The following MTDH variants were observed in gnomAD, a reference collection of about 807,000 sequenced individuals.
MTDH encodes the protein protein LYRIC.
A neutral mutation model predicts 72.7 loss-of-function variants in MTDH; 34 were observed. The observed-to-expected ratio is 0.47, with a 90% CI of 0.36 to 0.62. The LOEUF is 0.62. MTDH is among the 20% of genes least tolerant of loss of function. The probability of loss-of-function intolerance (pLI) is 0.00; values close to 1 mark genes in which losing one functional copy is unlikely to be tolerated. For synonymous variants in MTDH, 266 were observed against 268.9 expected, an observed-to-expected ratio of 0.99 and a Z score of 0.10; for missense variants, 677 against 699.4, an observed-to-expected ratio of 0.97 and a Z score of 0.36.
rs529297135 is a variant in MTDH, at chr8:97,647,984, T to C, written c.381+3097T>C. On this transcript the variant is annotated intron_variant, in intron 1 of 11. Coordinates refer to ENST00000336273, the MANE Select transcript of MTDH (RefSeq NM_178812.4). ...AAAAAAAGCTTGTAGATTCCTGATC[T>C]CTGATCTTTTCGTTCCATTATTTTT... 5.3e-5 allele frequency among the ~76,000 whole-genome samples: 8 copies of C among 152,120 alleles called. No homozygotes were observed. In the East Asian group the frequency reaches 1.5e-3, roughly 29 times the overall value.
intron 9 of MTDH, among the ~76,000 whole-genome samples, chr8:97,714,572 T>C (rs1814777160): frequency 6.7e-6 from 1 of 150,208 alleles, no homozygotes; most frequent in Non-Finnish European, 1.5e-5. Flanking sequence ...ACTACTGTAC[T>C]CCAGCCTGGG....
intron 2 of MTDH, among the ~76,000 whole-genome samples, chr8:97,673,516 A>C (rs1055295857): frequency 6.6e-6 from 1 of 152,010 alleles, no homozygotes; most frequent in Admixed American, 6.6e-5. Context: ...AAAAATCAGC[A>C]GGGCATGGTG....
At chr8:97,660,717 G>A (rs899312849) in intron 1 of MTDH, among the ~76,000 whole-genome samples, 16 of 151,970 alleles carry the variant, frequency 1.1e-4, no homozygotes, top group African/African-American at 3.1e-4. Context: ...AATAAGGCTC[G>A]GAGACAATGA....
intron 11 of MTDH, among the ~76,000 whole-genome samples, chr8:97,723,392 C>G (rs376836394): frequency 1.1e-4 from 15 of 139,008 alleles, no homozygotes; most frequent in Non-Finnish European, 2.0e-4. Context: ...AGCGAGACTC[C>G]GTCTCAAAAA....
chr8:97,719,946 G>A (rs1289852438), intron 10 of MTDH, among the ~76,000 whole-genome samples: 3 of 152,200 alleles, frequency 2.0e-5, no homozygotes, highest in Non-Finnish European at 4.4e-5. Flanking sequence ...AAAGGCCTAG[G>A]TTGGTGACAC....
intron 9 of MTDH, among the ~76,000 whole-genome samples, chr8:97,716,114 C>T (rs1000373131): frequency 2.0e-5 from 3 of 152,078 alleles, no homozygotes; most frequent in Admixed American, 6.6e-5. Context: ...TGGCTGGGCG[C>T]GGTGGCTCAC....
In MTDH at chr8:97,706,634, T is replaced by C. The variant is rs1814364861; in HGVS notation, c.1156T>C (p.Ser386Pro). Reference sequence around the variant, plus strand: ...ACACTGTTAAATTTTAGATGGTCTGTCTTCTGCTGATCCCAACTCTGATTG... The same window carrying C: ...ACACTGTTAAATTTTAGATGGTCTGCCTTCTGCTGATCCCAACTCTGATTG... Reference protein sequence around the residue: ...DDEWSGLNGLSSADPNSDWNA... With the variant: ...DDEWSGLNGLPSADPNSDWNA... The change falls in exon 8 of 12, where the codon TCT becomes CCT. Residue 386 changes from serine to proline, a missense_variant. This residue lies in a region of MTDH where 9 missense variants were observed against 25.8 expected (regional missense o/e 0.35). Transcript: ENST00000336273. The C allele has an allele frequency of 6.2e-7, 1 of 1,608,992 alleles. No homozygotes were observed. The highest frequency in any genetic ancestry group is 8.5e-7 in the Non-Finnish European group (1 of 1,178,078).
rs1813128851 is a variant in MTDH at position 97,682,245 on chromosome 8, TATATATATATATATATATATATATATA to T, written c.484-4422_484-4396del. ...GTTAATTACTTTATATATATATATATATATATATATATATATATATATATATATATATATATTTTTTTTTTTTTTTTT... is the reference window on the plus strand; with the variant it reads ...GTTAATTACTTTATATATATATATATTATATATATTTTTTTTTTTTTTTTT... On this transcript the variant is annotated intron_variant, in intron 2 of 11. Transcript: ENST00000336273. Among the ~76,000 whole-genome samples, 4 of 12,138 alleles carry T rather than the reference TATATATATATATATATATATATATATA, an allele frequency of 3.3e-4. 1 individual carries two copies. Among genetic ancestry groups the T allele is most frequent in the Admixed American group, 2.1e-3 (3 of 1,426 alleles). 8.0% of individuals were successfully genotyped at this position (12,138 alleles called of 152,430 possible). A position where few individuals can be genotyped will look rare whatever the true frequency, so the allele number is the denominator to read the frequency against.
Position 97,672,732 on chromosome 8 carries a change from C to T in MTDH, c.483+11559C>T, listed in dbSNP as rs140571670. 7.8e-3 allele frequency among the ~76,000 whole-genome samples: 1,182 copies of T among 152,116 alleles called. 22 individuals are homozygous for T. The highest frequency in any genetic ancestry group is 0.073 in the South Asian group (352 of 4,804). Reference sequence around the variant, plus strand: ...GGTTTTAAACATGCTTAGATTGTGGCGAGAATGGGATCTCATACTGAAATT... The same window carrying T: ...GGTTTTAAACATGCTTAGATTGTGGTGAGAATGGGATCTCATACTGAAATT... On this transcript the variant is annotated intron_variant, in intron 2 of 11. Coordinates refer to ENST00000336273, the MANE Select transcript of MTDH (RefSeq NM_178812.4).
chr8:97,681,473 T>G (rs931212399), intron 2 of MTDH, among the ~76,000 whole-genome samples: 1 of 150,608 alleles, frequency 6.6e-6, no homozygotes, highest in African/African-American at 2.4e-5. Context: ...AGGAAACTCT[T>G]GAAGATAAGA....
At chr8:97,689,228 TAAAG>T (rs1813486967) in intron 5 of MTDH, 125 bp downstream of exon 5, 2 of 498,694 alleles carry the variant, frequency 4.0e-6, no homozygotes, top group South Asian at 4.2e-5. Context: ...TTTTAATTAA[TAAAG>T]TAACATAATC....
At chr8:97,707,161 T>A (rs1814387732) in intron 8 of MTDH, among the ~76,000 whole-genome samples, 2 of 151,148 alleles carry the variant, frequency 1.3e-5, no homozygotes, top group Admixed American at 6.6e-5. Context: ...TCTTTTTTTT[T>A]TTTTTTCGGA....
chr8:97,712,769 A>G (rs527882429), intron 8 of MTDH, among the ~76,000 whole-genome samples: 1 of 152,348 alleles, frequency 6.6e-6, no homozygotes, highest in African/African-American at 2.4e-5. Flanking sequence ...GCATTTCCCT[A>G]ATAGCAAATG....
chr8:97,695,173 A>G (rs1349176470), intron 6 of MTDH, among the ~76,000 whole-genome samples: 1 of 151,176 alleles, frequency 6.6e-6, no homozygotes, highest in East Asian at 2.0e-4. Flanking sequence ...CAGTGGCACA[A>G]TCTTGGCTCA....
intron 2 of MTDH, among the ~76,000 whole-genome samples, 186 bp from the exon 3 acceptor site, chr8:97,686,482 A>G (rs2130998819): frequency 6.6e-6 from 1 of 152,340 alleles, no homozygotes; most frequent in Non-Finnish European, 1.5e-5. Flanking sequence ...TACTTAACAC[A>G]TAGTAACCAC....
At chr8:97,692,924 G>T (rs1004514931) in intron 6 of MTDH, among the ~76,000 whole-genome samples, 5 of 152,046 alleles carry the variant, frequency 3.3e-5, no homozygotes, top group Non-Finnish European at 7.4e-5. Context: ...TAGAGGTGGG[G>T]TTTCACCATG....
At chr8:97,679,212 A>G (rs1294847942) in intron 2 of MTDH, among the ~76,000 whole-genome samples, 1 of 152,166 alleles carries the variant, frequency 6.6e-6, no homozygotes, top group Non-Finnish European at 1.5e-5. Context: ...GAGAATTTAA[A>G]TGGAACTATG....
intron 2 of MTDH, among the ~76,000 whole-genome samples, chr8:97,679,296 A>T (rs1291399701): frequency 6.6e-6 from 1 of 152,194 alleles, no homozygotes; most frequent in African/African-American, 2.4e-5. Flanking sequence ...ACAAAAAAAA[A>T]TTATCTCACC....
At chr8:97,716,545 G>T (rs774393327) in intron 9 of MTDH, among the ~76,000 whole-genome samples, 6 of 151,834 alleles carry the variant, frequency 4.0e-5, no homozygotes, top group Non-Finnish European at 7.4e-5. Context: ...AAAATTAGCC[G>T]CACGTGGTAG....
Sources: allele counts gnomAD v4.1 joint callset (sites outside exome capture counted in the v4.1 genomes callset), GRCh38; gene constraint gnomAD v4.1.1; regional missense constraint gnomAD v4.1.1; transcripts MANE v1.5; gene names NCBI Gene and HGNC (gene_info 2026-07-23, HGNC 2026-07-21).